The following LRRC38 variants were observed in gnomAD, a reference collection of about 807,000 sequenced individuals.
LRRC38 encodes leucine-rich repeat-containing protein 38.
In LRRC38, 5 loss-of-function variants were observed where a neutral mutation model predicts 16.4. The ratio of observed to expected loss-of-function variants is 0.31; its 90% CI spans 0.16 to 0.64. The LOEUF (loss-of-function observed/expected upper bound fraction) is 0.64, where lower values mean the gene tolerates loss of function less well. LRRC38 is among the 30% of genes least tolerant of loss of function. LRRC38 has a pLI of 0.80. For synonymous variants in LRRC38, 191 were observed against 190.2 expected (o/e 1.00, Z -0.04); for missense variants, 341 against 401.8 (o/e 0.85, Z 1.29).
At position 13,487,261 on chromosome 1, in the gene LRRC38, G is replaced by A. The variant is rs1474737015; in HGVS notation, c.632-11162C>T. ...GGACAACGGAATTCAAGAACGAATT[G>A]GGCTCCTGTCCTAACTGTCAGCCTT... On this transcript the variant is annotated intron_variant, in intron 1 of 1. Transcript: ENST00000376085. The surrounding 1 kb of genome is among the most constrained non-coding windows in gnomAD (Gnocchi z 4.4). Among the ~76,000 whole-genome samples, 1 of 152,154 alleles carries A rather than the reference G, an allele frequency of 6.6e-6. No individual in the cohort carries two copies. Among genetic ancestry groups the A allele is most frequent in the Non-Finnish European group, 1.5e-5 (1 of 68,032 alleles).
chr1:13,513,491 T>G lies in LRRC38; in HGVS notation c.103A>C (p.Thr35Pro), dbSNP rs1639301873. The part of the protein sequence containing the change: ...GHACPAGCAC[T>P]DPHTVDCRDR... ...CGGCAGTCCACGGTGTGCGGGTCGG[T>G]GCAGGCGCAGCCCGCGGGGCACGCG... is the stretch of plus-strand genomic sequence containing the variant. The change falls in exon 1 of 2, where the codon ACC becomes CCC. Residue 35 changes from threonine (T) to proline (P), a missense_variant. By Grantham distance (38) the Thr-to-Pro change is conservative. Transcript: ENST00000376085. 2 of 1,510,892 alleles carry G rather than the reference T, an allele frequency of 1.3e-6. No individual in the cohort carries two copies. The highest frequency in any genetic ancestry group is 1.8e-6 in the Non-Finnish European group (2 of 1,127,498). 93.6% of individuals were successfully genotyped at this position (1,510,892 alleles called of 1,614,324 possible). A position where few individuals can be genotyped will look rare whatever the true frequency, so the allele number is the denominator to read the frequency against.
chr1:13,494,567 C>T (rs1639059110), intron 1 of LRRC38, among the ~76,000 whole-genome samples: 1 of 152,182 alleles, frequency 6.6e-6, no homozygotes, highest in Non-Finnish European at 1.5e-5. Context: ...CAGGCTCACA[C>T]AGCTGGTAAA....
intron 1 of LRRC38, among the ~76,000 whole-genome samples, chr1:13,508,336 T>C (rs1639235807): frequency 6.6e-6 from 1 of 152,182 alleles, no homozygotes; most frequent in Non-Finnish European, 1.5e-5. Flanking sequence ...GATATTCGGC[T>C]CAGCACTGCC....
intron 1 of LRRC38, among the ~76,000 whole-genome samples, chr1:13,486,826 AGCGATCCACCT>A (rs1388079589): frequency 6.6e-6 from 1 of 152,088 alleles, no homozygotes; most frequent in African/African-American, 2.4e-5. Context: ...CCCAGACTCA[AGCGATCCACCT>A]GCCTCAACTT....
intron 1 of LRRC38, among the ~76,000 whole-genome samples, chr1:13,511,794 A>G (rs1474219064): frequency 6.6e-6 from 1 of 152,088 alleles, no homozygotes; most frequent in East Asian, 1.9e-4. Flanking sequence ...TAGGAATTTC[A>G]GCCAGCCTGG....
At chr1:13,495,509 T>C (rs1014933820) in intron 1 of LRRC38, among the ~76,000 whole-genome samples, 1 of 151,976 alleles carries the variant, frequency 6.6e-6, no homozygotes, top group Non-Finnish European at 1.5e-5. Flanking sequence ...GAGGAGTGAC[T>C]GCTCTGGGTA....
chr1:13,478,693 G>A lies in LRRC38; in HGVS notation c.632-2594C>T, dbSNP rs543151661. 3.9e-5 allele frequency among the ~76,000 whole-genome samples: 6 copies of A among 152,132 alleles called. No individual in the cohort carries two copies. In the South Asian group the frequency reaches 6.2e-4, roughly 16 times the overall value. On this transcript the variant is annotated intron_variant, in intron 1 of 1. Transcript: ENST00000376085. Reference sequence around the variant, plus strand: ...AGTTGAAATGATTTCTTCACACCTCGCTAATTAGCAGGCTTCTGTCCTGGA... The same window carrying A: ...AGTTGAAATGATTTCTTCACACCTCACTAATTAGCAGGCTTCTGTCCTGGA...
rs1332747647 is a variant in LRRC38 at position 13,513,683 on chromosome 1, C to G, written c.-90G>C. The G allele has an allele frequency of 1.1e-6, 1 of 916,392 alleles. No individual in the cohort carries two copies. Among genetic ancestry groups the G allele is most frequent in the Non-Finnish European group, 1.3e-6 (1 of 761,640 alleles). 56.8% of individuals were successfully genotyped at this position (916,392 alleles called of 1,614,324 possible). A position where few individuals can be genotyped will look rare whatever the true frequency, so the allele number is the denominator to read the frequency against. ...GACGGCGCGGTGAGGCACTGGCTGC[C>G]GGGCGCGGGGAGCCAGAGGGCGGCC... On this transcript the variant is annotated 5_prime_UTR_variant, in exon 1 of 2. Transcript: ENST00000376085.
chr1:13,512,926 C>T, intron 1 of LRRC38, 37 bp downstream of exon 1: 4 of 1,295,000 alleles, frequency 3.1e-6, no homozygotes, highest in Non-Finnish European at 3.2e-6. Context: ...TCCCTGCCCC[C>T]CTCCCTCCCT....
chr1:13,493,405 A>T (rs1639041629), intron 1 of LRRC38, among the ~76,000 whole-genome samples: 1 of 152,116 alleles, frequency 6.6e-6, no homozygotes. Flanking sequence ...CCATTATCTG[A>T]CCTTCTACTG....
chr1:13,496,854 G>A (rs1220138021), intron 1 of LRRC38, among the ~76,000 whole-genome samples: 4 of 152,198 alleles, frequency 2.6e-5, no homozygotes, highest in Non-Finnish European at 5.9e-5. Flanking sequence ...AGGAGAGCCA[G>A]AGGTGGTGGG....
At chr1:13,510,045 A>C (rs1168387672) in intron 1 of LRRC38, among the ~76,000 whole-genome samples, 1 of 152,048 alleles carries the variant, frequency 6.6e-6, no homozygotes, top group Non-Finnish European at 1.5e-5. Flanking sequence ...CGCTTTGAGA[A>C]ACACCACGGT....
At chr1:13,510,505 T>C (rs1247656848) in intron 1 of LRRC38, among the ~76,000 whole-genome samples, 1 of 152,210 alleles carries the variant, frequency 6.6e-6, no homozygotes, top group Non-Finnish European at 1.5e-5. Context: ...AGGTGGATAC[T>C]GTATCAGCCC....
Position 13,478,769 on chromosome 1 carries a change from T to G in LRRC38, c.632-2670A>C, listed in dbSNP as rs996898318. Among the ~76,000 whole-genome samples the G allele has an allele frequency of 4.6e-5, 7 of 151,436 alleles. No homozygotes were observed. The East Asian group carries it at 5.8e-4, about 13-fold the overall frequency. ...CAACCCTGCAACCACCCTGGGGGGG[T>G]TTGTGTGTCTTTTTTTCTCCATCTC... On this transcript the variant is annotated intron_variant, in intron 1 of 1. Coordinates refer to ENST00000376085, the MANE Select transcript of LRRC38 (RefSeq NM_001010847.2).
rs1349844616 is a variant in LRRC38 at position 13,475,802 on chromosome 1, C to T, written c.*44G>A. 2.1e-5 allele frequency: 33 copies of T among 1,536,668 alleles called. No homozygotes were observed. Among genetic ancestry groups the T allele is most frequent in the Non-Finnish European group, 2.9e-5 (33 of 1,138,582 alleles). Reference sequence around the variant, plus strand: ...TTCCCTCTCGTCTTGGAGAGAGCTTCTGGTTCGGTGCTGGAGAGTAAGAGG... The same window carrying T: ...TTCCCTCTCGTCTTGGAGAGAGCTTTTGGTTCGGTGCTGGAGAGTAAGAGG... On this transcript the variant is annotated 3_prime_UTR_variant, in exon 2 of 2. Coordinates refer to ENST00000376085, the MANE Select transcript of LRRC38 (RefSeq NM_001010847.2). This position sits in a 1 kb window ranked among gnomAD's most constrained non-coding sequence, Gnocchi z 4.3.
At chr1:13,494,961 T>C (rs987046342) in intron 1 of LRRC38, among the ~76,000 whole-genome samples, 2 of 152,334 alleles carry the variant, frequency 1.3e-5, no homozygotes, top group African/African-American at 2.4e-5. Context: ...TGCTAACATG[T>C]TCAGGTCACC....
chr1:13,496,901 G>T (rs1446421797), intron 1 of LRRC38, among the ~76,000 whole-genome samples: 2 of 152,148 alleles, frequency 1.3e-5, no homozygotes, highest in Non-Finnish European at 2.9e-5. Flanking sequence ...CAGGGAGAAG[G>T]TGGCATTTGA....
chr1:13,512,930 C>T lies in LRRC38; in HGVS notation c.631+33G>A. 10 of 1,356,684 alleles carry T rather than the reference C, an allele frequency of 7.4e-6. 1 individual carries two copies. The highest frequency in any genetic ancestry group is 1.3e-5 in the South Asian group (1 of 76,662). The allele number at this position is 1,356,684 out of a possible 1,614,324, so 84.0% of individuals were successfully genotyped here. ...GGGGTGGCCTCTCCCTGCCCCCCTC[C>T]CTCCCTCCCCCAGCCTAGCCGGCTC... is the stretch of plus-strand genomic sequence containing the variant. On this transcript the variant is annotated intron_variant, in intron 1 of 1. Transcript: ENST00000376085.
chr1:13,491,729 G>A (rs1161920047), intron 1 of LRRC38, among the ~76,000 whole-genome samples: 1 of 151,964 alleles, frequency 6.6e-6, no homozygotes, highest in Admixed American at 6.6e-5. Context: ...AGGCTGGAGT[G>A]CAGTGGCGAC....
Sources: gnomAD v4.1 joint callset for allele counts (sites outside exome capture counted in the v4.1 genomes callset) on GRCh38, gnomAD v4.1.1 for gene constraint, Gnocchi (gnomAD v3.1) non-coding constraint, MANE v1.5 for transcripts, NCBI Gene and HGNC (gene_info 2026-07-23, HGNC 2026-07-21) for gene names.